The following HCN1 variants were observed in gnomAD, a reference collection of about 807,000 sequenced individuals.
The protein encoded by HCN1 is potassium/sodium hyperpolarization-activated cyclic nucleotide-gated channel 1.
In HCN1, 13 loss-of-function variants were observed where a neutral mutation model predicts 78.9. That is an observed-to-expected ratio of 0.16 (90% CI 0.11 to 0.26). The LOEUF is 0.26. HCN1 is among the 10% of genes least tolerant of loss of function. HCN1 has a pLI of 1.00. For synonymous variants in HCN1, 552 were observed against 455.5 expected, an observed-to-expected ratio of 1.21 and a Z score of -2.70; for missense variants, 810 against 1,154.3, an observed-to-expected ratio of 0.70 and a Z score of 4.32.
intron 4 of HCN1, among the ~76,000 whole-genome samples, chr5:45,390,480 C>T (rs1739530406): frequency 6.6e-6 from 1 of 151,520 alleles, no homozygotes; most frequent in Non-Finnish European, 1.5e-5. Flanking sequence ...TAAAAAGAAG[C>T]TAACATATGT....
intron 2 of HCN1, among the ~76,000 whole-genome samples, chr5:45,506,552 G>T (rs1404684255): frequency 6.6e-6 from 1 of 151,850 alleles, no homozygotes; most frequent in Non-Finnish European, 1.5e-5. Context: ...TGCAAACTGG[G>T]TTACAAAATA....
intron 6 of HCN1, among the ~76,000 whole-genome samples, chr5:45,285,581 T>C (rs886466502): frequency 4.6e-5 from 7 of 151,964 alleles, no homozygotes; most frequent in African/African-American, 1.7e-4. Flanking sequence ...GGTATTTATA[T>C]TTTGGCATCT....
At chr5:45,628,846 G>A (rs1411391442) in intron 2 of HCN1, among the ~76,000 whole-genome samples, 1 of 151,886 alleles carries the variant, frequency 6.6e-6, no homozygotes, top group Non-Finnish European at 1.5e-5. Flanking sequence ...GCTGGTGGGT[G>A]CCTGTAATCC....
rs902736073 is a variant in HCN1 at position 45,293,938 on chromosome 5, G to A, written c.1618+9661C>T. On this transcript the variant is annotated intron_variant, in intron 6 of 7. Coordinates refer to ENST00000303230, the MANE Select transcript of HCN1 (RefSeq NM_021072.4). ...TTACTTCATTTACCCTCACCTAAGAGGATAACGAATGAGGAAGGAAAAGAA... is the reference window on the plus strand; with the variant it reads ...TTACTTCATTTACCCTCACCTAAGAAGATAACGAATGAGGAAGGAAAAGAA... Among the ~76,000 whole-genome samples, 4 of 151,730 alleles carry A rather than the reference G, an allele frequency of 2.6e-5. No individual in the cohort carries two copies. In the East Asian group the frequency reaches 5.8e-4, roughly 22 times the overall value.
intron 3 of HCN1, among the ~76,000 whole-genome samples, chr5:45,440,633 C>T (rs999881921): frequency 9.9e-5 from 15 of 152,186 alleles, no homozygotes; most frequent in African/African-American, 3.6e-4. Flanking sequence ...CTGCGTGTTG[C>T]TCTGTTTTGT....
chr5:45,573,511 C>T (rs557752976), intron 2 of HCN1, among the ~76,000 whole-genome samples: 1 of 151,992 alleles, frequency 6.6e-6, no homozygotes, highest in African/African-American at 2.4e-5. Context: ...GTAACACTAT[C>T]CTTTTCTTAC....
At chr5:45,529,153 AT>A (rs555033484) in intron 2 of HCN1, among the ~76,000 whole-genome samples, 3 of 152,006 alleles carry the variant, frequency 2.0e-5, no homozygotes, top group Non-Finnish European at 4.4e-5. Flanking sequence ...ACTGTTATCT[AT>A]TAACATATTG....
At chr5:45,631,704 T>C (rs2112012006) in intron 2 of HCN1, among the ~76,000 whole-genome samples, 1 of 152,244 alleles carries the variant, frequency 6.6e-6, no homozygotes, top group African/African-American at 2.4e-5. Context: ...TTGTATTATT[T>C]TGTAGGCTCA....
chr5:45,372,045 ATATATATAATATAATTATATTATATAT>A (rs1401044737), intron 4 of HCN1, among the ~76,000 whole-genome samples: 1 of 56,290 alleles, frequency 1.8e-5, no homozygotes, highest in Non-Finnish European at 2.7e-5. Flanking sequence ...TATATATATT[ATATATATAATATAATTATATTATATAT>A]TATATATAAT....
chr5:45,284,163 C>A (rs1209276350), intron 6 of HCN1, among the ~76,000 whole-genome samples: 1 of 151,914 alleles, frequency 6.6e-6, no homozygotes, highest in Non-Finnish European at 1.5e-5. Context: ...GAGAGAGGAA[C>A]AGAAAGGATA....
At chr5:45,595,743 A>T (rs1744478522) in intron 2 of HCN1, among the ~76,000 whole-genome samples, 1 of 151,316 alleles carries the variant, frequency 6.6e-6, no homozygotes, top group Admixed American at 6.6e-5. Context: ...TGAAACAATT[A>T]AAAAAAAACC....
At chr5:45,596,621 T>C (rs1561214450) in intron 2 of HCN1, among the ~76,000 whole-genome samples, 1 of 152,198 alleles carries the variant, frequency 6.6e-6, no homozygotes, top group Non-Finnish European at 1.5e-5. Flanking sequence ...GGTGAAGCTA[T>C]AATTTCTCCC....
At chr5:45,447,449 C>T (rs543720124) in intron 3 of HCN1, among the ~76,000 whole-genome samples, 1 of 152,116 alleles carries the variant, frequency 6.6e-6, no homozygotes, top group Non-Finnish European at 1.5e-5. Flanking sequence ...TACTATATTG[C>T]CCAGCCTGGT....
At chr5:45,392,406 G>A (rs1739586981) in intron 4 of HCN1, among the ~76,000 whole-genome samples, 1 of 152,080 alleles carries the variant, frequency 6.6e-6, no homozygotes, top group South Asian at 2.1e-4. Flanking sequence ...AATAGGTTTA[G>A]AACATTATTT....
intron 1 of HCN1, among the ~76,000 whole-genome samples, chr5:45,684,039 T>C (rs922008502): frequency 1.3e-5 from 2 of 152,200 alleles, no homozygotes; most frequent in Non-Finnish European, 2.9e-5. Context: ...GTCCATACAC[T>C]GTTTTTAGTG....
At chr5:45,321,683 G>A (rs1012600463) in intron 5 of HCN1, among the ~76,000 whole-genome samples, 1 of 150,868 alleles carries the variant, frequency 6.6e-6, no homozygotes, top group Admixed American at 6.6e-5. Flanking sequence ...CAGCTTGAAT[G>A]CCATATTTTA....
chr5:45,566,635 GAGGA>G (rs1743711727), intron 2 of HCN1, among the ~76,000 whole-genome samples: 1 of 152,040 alleles, frequency 6.6e-6, no homozygotes, highest in Non-Finnish European at 1.5e-5. Context: ...GAAAATAAAA[GAGGA>G]AAGAAAAATA....
chr5:45,338,437 G>C (rs1317124964), intron 5 of HCN1, among the ~76,000 whole-genome samples: 1 of 152,102 alleles, frequency 6.6e-6, no homozygotes, highest in Non-Finnish European at 1.5e-5. Context: ...TTGAATTTAT[G>C]ATGAGCAATT....
At chr5:45,450,357 A>G (rs1740892225) in intron 3 of HCN1, among the ~76,000 whole-genome samples, 1 of 152,198 alleles carries the variant, frequency 6.6e-6, no homozygotes, top group African/African-American at 2.4e-5. Flanking sequence ...ATTGATGGAA[A>G]ATAGAAGGTA....
Sources: allele counts gnomAD v4.1 joint callset (sites outside exome capture counted in the v4.1 genomes callset), GRCh38; gene constraint gnomAD v4.1.1; transcripts MANE v1.5; gene names NCBI Gene and HGNC (gene_info 2026-07-23, HGNC 2026-07-21).